The following ROPN1B variants were observed in gnomAD, a reference collection of about 807,000 sequenced individuals.
ROPN1B encodes the protein ropporin-1B.
A neutral mutation model predicts 23.7 loss-of-function variants in ROPN1B; 13 were observed. The ratio of observed to expected loss-of-function variants is 0.55; its 90% CI spans 0.36 to 0.87. ROPN1B has a LOEUF of 0.87. Among genes scored for constraint, ROPN1B ranks in the 40% least tolerant of loss-of-function variants. ROPN1B has a pLI of 0.01. For synonymous variants in ROPN1B, 67 were observed against 100.4 expected, an observed-to-expected ratio of 0.67 and a Z score of 1.99; for missense variants, 183 against 249.2, an observed-to-expected ratio of 0.73 and a Z score of 1.79.
chr3:125,970,411 C>T (rs1358854600), intron 1 of ROPN1B, among the ~76,000 whole-genome samples: 2 of 152,138 alleles, frequency 1.3e-5, no homozygotes. Flanking sequence ...TGGAGACTTT[C>T]ATTTATGAAA....
At chr3:125,981,362 A>T (rs1440048749) in intron 5 of ROPN1B, among the ~76,000 whole-genome samples, 1 of 152,172 alleles carries the variant, frequency 6.6e-6, no homozygotes, top group African/African-American at 2.4e-5. Context: ...TCTACTAATC[A>T]TGTGGGAAGA....
chr3:125,972,239 G>A (rs1187226574), intron 3 of ROPN1B, 69 bp downstream of exon 3: 13 of 1,513,014 alleles, frequency 8.6e-6, no homozygotes, highest in Admixed American at 1.7e-5. Context: ...TAAAACCGCG[G>A]AGGTTGTCAT....
chr3:125,972,072 G>A lies in ROPN1B; in HGVS notation c.18G>A (p.Lys6=), dbSNP rs1938228519. 1.9e-6 allele frequency: 3 copies of A among 1,614,096 alleles called. No homozygotes were observed. Among genetic ancestry groups the A allele is most frequent in the Non-Finnish European group, 1.7e-6 (2 of 1,180,044 alleles). MAQTD[K]PTCIPPELPK... ...ACCAATCAATGGCTCAGACAGATAA[G>A]CCAACATGCATCCCGCCGGAGCTGC... Residue 6 remains lysine (K), a synonymous_variant, in exon 3 of 7, where the codon AAG becomes AAA. Coordinates refer to ENST00000514116, the MANE Select transcript of ROPN1B (RefSeq NM_001308313.2).
intron 6 of ROPN1B, among the ~76,000 whole-genome samples, chr3:125,982,669 C>T (rs1358089508): frequency 3.9e-5 from 6 of 152,184 alleles, no homozygotes; most frequent in Non-Finnish European, 5.9e-5. Flanking sequence ...GTAGCGGCAG[C>T]GGCACCTGAG....
At chr3:125,980,282 T>C (rs768658014) in intron 5 of ROPN1B, among the ~76,000 whole-genome samples, 8 of 152,224 alleles carry the variant, frequency 5.3e-5, no homozygotes, top group Non-Finnish European at 1.2e-4. Context: ...GGCAATAGAA[T>C]TTGAAGGGTT....
intron 5 of ROPN1B, among the ~76,000 whole-genome samples, 178 bp from the exon 6 acceptor site, chr3:125,982,092 T>A (rs1938628924): frequency 6.6e-6 from 1 of 152,234 alleles, no homozygotes; most frequent in South Asian, 2.1e-4. Flanking sequence ...ATACTCAATA[T>A]TTTTTAGAAT....
rs1349775602 is a variant in ROPN1B, at chr3:125,972,044, T to C, written c.-11T>C. Reference sequence around the variant, plus strand: ...ATGTATTTTTTCTCCTGAGAATAGGTCAACCAATCAATGGCTCAGACAGAT... The same window carrying C: ...ATGTATTTTTTCTCCTGAGAATAGGCCAACCAATCAATGGCTCAGACAGAT... On this transcript the variant is annotated splice_region_variant and 5_prime_UTR_variant, in exon 3 of 7. Coordinates refer to ENST00000514116, the MANE Select transcript of ROPN1B (RefSeq NM_001308313.2). 6 of 1,613,538 alleles carry C rather than the reference T, an allele frequency of 3.7e-6. No homozygotes were observed. Among genetic ancestry groups the C allele is most frequent in the Non-Finnish European group, 4.2e-6 (5 of 1,179,602 alleles).
At chr3:125,982,521 T>A in intron 6 of ROPN1B, 76 bp downstream of exon 6, 1 of 1,261,656 alleles carries the variant, frequency 7.9e-7, no homozygotes, top group Non-Finnish European at 1.1e-6. Flanking sequence ...AGAGTGAGAT[T>A]ATTGTATTAT....
intron 6 of ROPN1B, 78 bp downstream of exon 6, chr3:125,982,523 T>C: frequency 7.9e-7 from 1 of 1,266,634 alleles, no homozygotes; most frequent in African/African-American, 1.5e-5. Flanking sequence ...AGTGAGATTA[T>C]TGTATTATAC....
intron 3 of ROPN1B, among the ~76,000 whole-genome samples, chr3:125,975,196 C>T (rs1938359910): frequency 1.3e-5 from 2 of 152,306 alleles, no homozygotes. Context: ...AACTTCTCTT[C>T]CCAAGATTAT....
intron 4 of ROPN1B, among the ~76,000 whole-genome samples, chr3:125,976,644 C>CCT (rs1938424581): frequency 6.6e-6 from 1 of 152,050 alleles, no homozygotes; most frequent in Non-Finnish European, 1.5e-5. Context: ...TCAGGTAAGC[C>CCT]CTCTACCCCT....
In ROPN1B at chr3:125,983,253, G is replaced by C. The variant is rs1938671358; in HGVS notation, c.573-1G>C. On this transcript the variant is annotated splice_acceptor_variant, in intron 6 of 6. Coordinates refer to ENST00000514116, the MANE Select transcript of ROPN1B (RefSeq NM_001308313.2). LOFTEE classifies it high-confidence loss of function. The stretch of plus-strand genomic sequence containing the variant: ...CTGCAGATATACCTTTATCCAAACA[G>C]AATTGGTCCTGATGGTTTAATCACG... The C allele has an allele frequency of 6.2e-7, 1 of 1,610,308 alleles. No individual in the cohort carries two copies. The highest frequency in any genetic ancestry group is 8.5e-7 in the Non-Finnish European group (1 of 1,176,818).
At position 125,982,450 on chromosome 3, in the gene ROPN1B, G is replaced by A; in HGVS notation, c.572+5G>A. ...AAACTACATTGAACAGGAAGTGTAA[G>A]TTAACTTTTACCAATTGGAGGTGAA... On this transcript the variant is annotated splice_donor_5th_base_variant and intron_variant, in intron 6 of 6. Transcript: ENST00000514116. 1 of 1,585,844 alleles carries A rather than the reference G, an allele frequency of 6.3e-7. No homozygotes were observed. The highest frequency in any genetic ancestry group is 1.7e-4 in the Middle Eastern group (1 of 5,990).
At chr3:125,970,980 A>G (rs1439386370) in intron 1 of ROPN1B, 137 bp from the exon 2 acceptor site, 2 of 153,660 alleles carry the variant, frequency 1.3e-5, no homozygotes, top group African/African-American at 2.4e-5. Flanking sequence ...CTGTAGGCAG[A>G]TATTTTCAGC....
chr3:125,983,403 A>G lies in ROPN1B; in HGVS notation c.*83A>G, dbSNP rs892381954. ...TAAACCCATATACCACCTAAAATCA[A>G]TTTTCTTGTACAACTGGTACACACT... On this transcript the variant is annotated 3_prime_UTR_variant, in exon 7 of 7. Transcript: ENST00000514116. 1.2e-5 allele frequency: 11 copies of G among 908,900 alleles called. No individual in the cohort carries two copies. The highest frequency in any genetic ancestry group is 1.8e-5 in the Admixed American group (1 of 54,798). 56.3% of individuals were successfully genotyped at this position (908,900 alleles called of 1,614,324 possible). A position where few individuals can be genotyped will look rare whatever the true frequency, so the allele number is the denominator to read the frequency against.
intron 5 of ROPN1B, among the ~76,000 whole-genome samples, chr3:125,981,389 T>G (rs1202536770): frequency 6.6e-6 from 1 of 152,224 alleles, no homozygotes; most frequent in Admixed American, 6.5e-5. Context: ...AGCTGCTTTT[T>G]CACTCACCCT....
chr3:125,974,912 G>C (rs1938349304), intron 3 of ROPN1B, among the ~76,000 whole-genome samples: 1 of 152,096 alleles, frequency 6.6e-6, no homozygotes, highest in Admixed American at 6.5e-5. Context: ...GAAGCCCCAA[G>C]CCTCACTACA....
chr3:125,976,663 T>C (rs1394464944), intron 4 of ROPN1B, among the ~76,000 whole-genome samples: 1 of 152,222 alleles, frequency 6.6e-6, no homozygotes, highest in Non-Finnish European at 1.5e-5. Context: ...CTTGGTTTTG[T>C]TTTCAGGCTC....
At chr3:125,972,823 G>A (rs1326533935) in intron 3 of ROPN1B, 3 of 401,082 alleles carry the variant, frequency 7.5e-6, no homozygotes, top group Non-Finnish European at 1.5e-5. Context: ...GAAAGGCCAG[G>A]CAGAGTGATG....
Sources: gnomAD v4.1 joint callset for allele counts (sites outside exome capture counted in the v4.1 genomes callset) on GRCh38, gnomAD v4.1.1 for gene constraint, MANE v1.5 for transcripts, NCBI Gene and HGNC (gene_info 2026-07-23, HGNC 2026-07-21) for gene names.